CHST8: variants seen among roughly 807,000 people sequenced by gnomAD.
CHST8 encodes GALNAC-4-ST1.
Under a neutral mutation model 15.0 loss-of-function variants are expected in CHST8, and 10 were observed. The ratio of observed to expected loss-of-function variants is 0.67; its 90% CI spans 0.41 to 1.13. CHST8 has a LOEUF of 1.13. CHST8 is among the 50% of genes most tolerant of loss of function. CHST8 has a pLI of 0.00. For synonymous variants in CHST8, 259 were observed against 256.6 expected (o/e 1.01, Z -0.09); for missense variants, 634 against 608.2 (o/e 1.04, Z -0.45).
intron 1 of CHST8, among the ~76,000 whole-genome samples, chr19:33,665,836 C>A (rs1023774087): frequency 6.6e-6 from 1 of 152,134 alleles, no homozygotes; most frequent in African/African-American, 2.4e-5. Flanking sequence ...CAGTGGGCAT[C>A]CGGGAAAGTG....
chr19:33,699,975 G>T (rs1973300064), intron 3 of CHST8, among the ~76,000 whole-genome samples: 1 of 152,234 alleles, frequency 6.6e-6, no homozygotes, highest in Non-Finnish European at 1.5e-5. Context: ...CAACAGAAGT[G>T]CAGCGGCCAC....
intron 2 of CHST8, among the ~76,000 whole-genome samples, chr19:33,686,846 C>T (rs938986868): frequency 1.3e-5 from 2 of 152,182 alleles, no homozygotes; most frequent in African/African-American, 4.8e-5. Flanking sequence ...GGCATGCACC[C>T]GGGCATGTAT....
intron 3 of CHST8, among the ~76,000 whole-genome samples, chr19:33,746,640 A>G (rs1974317631): frequency 6.6e-6 from 1 of 152,252 alleles, no homozygotes. Flanking sequence ...GCATACCTGG[A>G]CACAGGCCAT....
intron 3 of CHST8, among the ~76,000 whole-genome samples, chr19:33,749,588 G>A (rs1974376280): frequency 6.6e-6 from 1 of 152,080 alleles, no homozygotes; most frequent in African/African-American, 2.4e-5. Context: ...GCGGTGATGA[G>A]GCACAGGGCA....
chr19:33,711,758 A>G (rs1217955370), intron 3 of CHST8, among the ~76,000 whole-genome samples: 2 of 152,190 alleles, frequency 1.3e-5, no homozygotes, highest in East Asian at 3.9e-4. Flanking sequence ...CAGCCTCCCG[A>G]GTACCTGGGA....
At chr19:33,682,187 G>GTTTTTTTTTTTTTTT (rs869056900) in intron 2 of CHST8, among the ~76,000 whole-genome samples, 1 of 95,270 alleles carries the variant, frequency 1.0e-5, no homozygotes, top group African/African-American at 4.2e-5. Flanking sequence ...TTTTGTTGTT[G>GTTTTTTTTTTTTTTT]TTTTTTTTTT....
chr19:33,639,867 TCTCACTCTGTCTC>T (rs1972257497), intron 1 of CHST8, among the ~76,000 whole-genome samples: 2 of 145,234 alleles, frequency 1.4e-5, no homozygotes, highest in African/African-American at 5.1e-5. Context: ...TGAGACAGAG[TCTCACTCTGTCTC>T]CCAGGCTGGA....
intron 3 of CHST8, among the ~76,000 whole-genome samples, chr19:33,692,274 C>T (rs367898722): frequency 2.0e-5 from 3 of 152,222 alleles, no homozygotes; most frequent in Admixed American, 2.0e-4. Context: ...TAATTCTTTT[C>T]CAGTCTCCAG....
intron 3 of CHST8, among the ~76,000 whole-genome samples, chr19:33,708,578 G>T (rs1441095026): frequency 6.6e-6 from 1 of 152,110 alleles, no homozygotes; most frequent in Non-Finnish European, 1.5e-5. Flanking sequence ...TTATTTCATT[G>T]ATCTGTATGT....
chr19:33,710,144 C>A (rs1053085218), intron 3 of CHST8, among the ~76,000 whole-genome samples: 2 of 152,180 alleles, frequency 1.3e-5, no homozygotes, highest in Non-Finnish European at 1.5e-5. Flanking sequence ...TTTAGCATAA[C>A]AGTGTTCATA....
intron 3 of CHST8, among the ~76,000 whole-genome samples, chr19:33,722,224 T>C (rs1375482273): frequency 4.1e-5 from 6 of 147,420 alleles, no homozygotes; most frequent in Non-Finnish European, 8.9e-5. Context: ...CTGGATGAGC[T>C]GAATGAATGG....
At chr19:33,746,364 C>T (rs1044206636) in intron 3 of CHST8, among the ~76,000 whole-genome samples, 1 of 152,192 alleles carries the variant, frequency 6.6e-6, no homozygotes, top group East Asian at 1.9e-4. Flanking sequence ...CCCGCACCGC[C>T]CCCGGCAACC....
chr19:33,697,360 GCTGGGA>G (rs1188144036), intron 3 of CHST8, among the ~76,000 whole-genome samples: 1 of 151,896 alleles, frequency 6.6e-6, no homozygotes, highest in Non-Finnish European at 1.5e-5. Context: ...CTCCTGAGTA[GCTGGGA>G]CCACAGGCAC....
At chr19:33,695,322 G>A (rs1973189409) in intron 3 of CHST8, among the ~76,000 whole-genome samples, 1 of 152,166 alleles carries the variant, frequency 6.6e-6, no homozygotes, top group African/African-American at 2.4e-5. Flanking sequence ...CACAGAAGTA[G>A]CAACAATACT....
At chr19:33,698,265 C>T (rs745309406) in intron 3 of CHST8, among the ~76,000 whole-genome samples, 6 of 151,738 alleles carry the variant, frequency 4.0e-5, no homozygotes, top group African/African-American at 9.7e-5. Flanking sequence ...GCTGAGATCG[C>T]GCCAACTACA....
chr19:33,762,336 A>G (rs560160976), intron 3 of CHST8, among the ~76,000 whole-genome samples: 24 of 152,308 alleles, frequency 1.6e-4, no homozygotes, highest in East Asian at 9.6e-4. Context: ...TTGGGTTTGT[A>G]GACTGGCTGA....
At chr19:33,651,386 C>A (rs1972446371) in intron 1 of CHST8, among the ~76,000 whole-genome samples, 1 of 151,968 alleles carries the variant, frequency 6.6e-6, no homozygotes, top group Non-Finnish European at 1.5e-5. Context: ...AAAAAGCGTC[C>A]TATATTACTA....
At chr19:33,660,955 C>T (rs1972577853) in intron 1 of CHST8, among the ~76,000 whole-genome samples, 1 of 152,178 alleles carries the variant, frequency 6.6e-6, no homozygotes, top group African/African-American at 2.4e-5. Context: ...TGGGGCCCAC[C>T]TGTCCTGCAT....
At chr19:33,631,726 G>A (rs1278141212) in intron 1 of CHST8, among the ~76,000 whole-genome samples, 1 of 152,084 alleles carries the variant, frequency 6.6e-6, no homozygotes, top group Non-Finnish European at 1.5e-5. Flanking sequence ...TCTTCCACGA[G>A]TTAATGTGTC....
Sources: gnomAD v4.1 joint callset for allele counts (sites outside exome capture counted in the v4.1 genomes callset) on GRCh38, gnomAD v4.1.1 for gene constraint, MANE v1.5 for transcripts, NCBI Gene and HGNC (gene_info 2026-07-23, HGNC 2026-07-21) for gene names.